The following NRF1 variants were observed in gnomAD, a reference collection of about 807,000 sequenced individuals.
The protein encoded by NRF1 is alpha palindromic-binding protein.
Under a neutral mutation model 58.5 loss-of-function variants are expected in NRF1, and 5 were observed. The ratio of observed to expected loss-of-function variants is 0.09; its 90% CI spans 0.04 to 0.18. The LOEUF is 0.18. Ranked by LOEUF, NRF1 falls within the 10% of genes least tolerant of loss-of-function variation. NRF1 has a pLI of 1.00. For synonymous variants in NRF1, 224 were observed against 246.7 expected, an observed-to-expected ratio of 0.91 and a Z score of 0.86; for missense variants, 288 against 657.7, an observed-to-expected ratio of 0.44 and a Z score of 6.15.
chr7:129,672,156 T>C (rs1003564809), intron 3 of NRF1, among the ~76,000 whole-genome samples: 2 of 150,274 alleles, frequency 1.3e-5, no homozygotes, highest in African/African-American at 4.9e-5. Context: ...CAGGGAGATA[T>C]GAGAGGATGT....
chr7:129,738,459 T>C, intron 10 of NRF1, among the ~76,000 whole-genome samples: 1 of 152,244 alleles, frequency 6.6e-6, no homozygotes, highest in Non-Finnish European at 1.5e-5. Flanking sequence ...AGACAGGGAC[T>C]TTCCCATTTA....
At chr7:129,643,408 TTA>T (rs1315329937) in intron 1 of NRF1, among the ~76,000 whole-genome samples, 2 of 152,234 alleles carry the variant, frequency 1.3e-5, no homozygotes, top group Non-Finnish European at 2.9e-5. Flanking sequence ...GCAATTTACG[TTA>T]TTTTTCCATA....
intron 10 of NRF1, among the ~76,000 whole-genome samples, chr7:129,745,557 G>A (rs1803958038): frequency 7.9e-6 from 1 of 126,836 alleles, no homozygotes; most frequent in African/African-American, 3.0e-5. Flanking sequence ...AGTCCCTGCT[G>A]CCAAAAATGC....
chr7:129,738,402 C>G (rs553777951), intron 10 of NRF1, among the ~76,000 whole-genome samples: 1 of 152,344 alleles, frequency 6.6e-6, no homozygotes, highest in East Asian at 1.9e-4. Flanking sequence ...ACAGCAGTGT[C>G]TCTTAGTGTC....
chr7:129,663,454 A>G (rs1436020798), intron 2 of NRF1, among the ~76,000 whole-genome samples: 1 of 97,998 alleles, frequency 1.0e-5, no homozygotes, highest in Non-Finnish European at 2.0e-5. Flanking sequence ...ATCCCAGACA[A>G]TGGGCGGCCG....
intron 1 of NRF1, among the ~76,000 whole-genome samples, chr7:129,655,611 T>C (rs1285002964): frequency 6.6e-5 from 10 of 152,008 alleles, no homozygotes; most frequent in Admixed American, 6.6e-4. Context: ...AACCTCCACC[T>C]TCTGGGTTCA....
chr7:129,654,518 A>G (rs951521119), intron 1 of NRF1, among the ~76,000 whole-genome samples: 3 of 152,110 alleles, frequency 2.0e-5, no homozygotes, highest in Non-Finnish European at 4.4e-5. Flanking sequence ...TTGGCATTGT[A>G]TCTTAAAAGT....
chr7:129,632,055 G>A (rs187293075), intron 1 of NRF1, among the ~76,000 whole-genome samples: 1 of 152,268 alleles, frequency 6.6e-6, no homozygotes, highest in Non-Finnish European at 1.5e-5. Flanking sequence ...CAGGAGGACT[G>A]CTTGAGGCCA....
chr7:129,662,719 A>G (rs1801813266), intron 2 of NRF1, among the ~76,000 whole-genome samples: 1 of 152,090 alleles, frequency 6.6e-6, no homozygotes, highest in Non-Finnish European at 1.5e-5. Context: ...GCAATCCTGG[A>G]TCATCTTAAT....
Position 129,658,068 on chromosome 7 carries a change from A to G in NRF1, c.223+494A>G, listed in dbSNP as rs182014326. 5.2e-3 allele frequency among the ~76,000 whole-genome samples: 797 copies of G among 152,224 alleles called. 22 individuals are homozygous for G. Among genetic ancestry groups the G allele is most frequent in the Admixed American group, 0.048 (737 of 15,288 alleles). ...GCTTTAAACTGAAGCATTTATTCCA[A>G]TTACGTTAAACAGAATCACTGACAT... On this transcript the variant is annotated intron_variant, in intron 2 of 10. Transcript: ENST00000393232.
At chr7:129,624,150 A>G (rs1468467165) in intron 1 of NRF1, among the ~76,000 whole-genome samples, 1 of 152,186 alleles carries the variant, frequency 6.6e-6, no homozygotes, top group Non-Finnish European at 1.5e-5. Context: ...ATTCACCCCC[A>G]GATACCAAAG....
intron 10 of NRF1, among the ~76,000 whole-genome samples, chr7:129,732,677 A>G (rs1803609727): frequency 6.6e-6 from 1 of 151,968 alleles, no homozygotes; most frequent in Non-Finnish European, 1.5e-5. Context: ...ATCTCAGCTC[A>G]CCGCAACCTC....
intron 8 of NRF1, among the ~76,000 whole-genome samples, chr7:129,715,646 C>A (rs1386961150): frequency 6.6e-6 from 1 of 152,172 alleles, no homozygotes; most frequent in Non-Finnish European, 1.5e-5. Flanking sequence ...TAAGGATATT[C>A]ATCACAGCAC....
intron 5 of NRF1, among the ~76,000 whole-genome samples, chr7:129,708,043 C>G (rs1802990712): frequency 6.6e-6 from 1 of 152,014 alleles, no homozygotes; most frequent in Admixed American, 6.6e-5. Context: ...ACTACAAATC[C>G]ACACCCCCGA....
chr7:129,685,824 A>G lies in NRF1; in HGVS notation c.466-4582A>G, dbSNP rs1252668539. The stretch of plus-strand genomic sequence containing the variant: ...AAAAATGGAAAATATTTGGATAAGA[A>G]GCAGATTTATGTGGTGGCTCATGTC... On this transcript the variant is annotated intron_variant, in intron 4 of 10. Transcript: ENST00000393232. Among the ~76,000 whole-genome samples the G allele has an allele frequency of 2.0e-5, 3 of 151,820 alleles. No individual in the cohort carries two copies. In the East Asian group the frequency reaches 5.8e-4, roughly 29 times the overall value.
chr7:129,653,187 T>C (rs982504955), intron 1 of NRF1, among the ~76,000 whole-genome samples: 5 of 152,252 alleles, frequency 3.3e-5, no homozygotes, highest in Non-Finnish European at 7.3e-5. Context: ...TGTTCTTTTT[T>C]GTGGCTGGCT....
At chr7:129,622,961 A>T (rs1562951426) in intron 1 of NRF1, among the ~76,000 whole-genome samples, 1 of 152,242 alleles carries the variant, frequency 6.6e-6, no homozygotes, top group Non-Finnish European at 1.5e-5. Context: ...TTAATGAGAC[A>T]GTTACAGATC....
intron 10 of NRF1, among the ~76,000 whole-genome samples, chr7:129,746,740 G>A (rs1018900790): frequency 1.3e-5 from 2 of 152,130 alleles, no homozygotes. Context: ...CATGGTTAGC[G>A]TTCATGTTCA....
At position 129,623,019 on chromosome 7, in the gene NRF1, AATAC is replaced by A. The variant is rs561905369; in HGVS notation, c.-7+11199_-7+11202del. Among the ~76,000 whole-genome samples the A allele has an allele frequency of 1.3e-4, 20 of 152,264 alleles. No homozygotes were observed. In the East Asian group the frequency reaches 3.5e-3, roughly 26 times the overall value. On this transcript the variant is annotated intron_variant, in intron 1 of 10. Transcript: ENST00000393232. ...AAGATATTTTTAAATTTTCTCTCCTAATACATATTTGTTGAGGAAATGCTTACCA... is the reference window on the plus strand; with the variant it reads ...AAGATATTTTTAAATTTTCTCTCCTAATATTTGTTGAGGAAATGCTTACCA...
Sources: gnomAD v4.1 joint callset for allele counts (sites outside exome capture counted in the v4.1 genomes callset) on GRCh38, gnomAD v4.1.1 for gene constraint, MANE v1.5 for transcripts, NCBI Gene and HGNC (gene_info 2026-07-23, HGNC 2026-07-21) for gene names.